The following WWOX variants were observed in gnomAD, a reference collection of about 807,000 sequenced individuals.
WWOX encodes WW domain containing oxidoreductase.
Under a neutral mutation model 46.2 loss-of-function variants are expected in WWOX, and 69 were observed. The observed-to-expected ratio is 1.49, with a 90% CI of 1.23 to 1.82. The LOEUF (loss-of-function observed/expected upper bound fraction) is 1.82. Ranked by LOEUF, WWOX falls within the 40% of genes most tolerant of loss-of-function variation. WWOX has a pLI of 0.00. For synonymous variants in WWOX, 359 were observed against 202.6 expected (o/e 1.77, Z -6.56); for missense variants, 919 against 542.6 (o/e 1.69, Z -6.89).
chr16:79,042,526 C>T lies in WWOX; in HGVS notation c.1057-169082C>T, dbSNP rs1435000801. ...ATAAAAATCATAATGTCTCAAATTA[C>T]TTACTCAATAAAATGTGGGTTTGTC... On this transcript the variant is annotated intron_variant, in intron 8 of 8. Transcript: ENST00000566780. Among the ~76,000 whole-genome samples, 3 of 151,686 alleles carry T rather than the reference C, an allele frequency of 2.0e-5. No homozygotes were observed. The South Asian group carries it at 6.3e-4, about 32-fold the overall frequency.
intron 5 of WWOX, among the ~76,000 whole-genome samples, chr16:78,174,701 A>G (rs1166411381): frequency 2.6e-5 from 4 of 152,184 alleles, no homozygotes; most frequent in South Asian, 2.1e-4. Flanking sequence ...TAATCTGACT[A>G]AGGTGGCCGG....
intron 8 of WWOX, among the ~76,000 whole-genome samples, chr16:79,030,407 A>C (rs889331865): frequency 2.0e-5 from 3 of 152,192 alleles, no homozygotes; most frequent in Admixed American, 1.3e-4. Flanking sequence ...GATACTTTTC[A>C]TGGCCCTTTT....
chr16:78,899,801 G>C (rs929541784), intron 8 of WWOX, among the ~76,000 whole-genome samples: 5 of 152,300 alleles, frequency 3.3e-5, no homozygotes, highest in Admixed American at 6.5e-5. Context: ...TTATATTTGT[G>C]TTGTAGCTTG....
At chr16:78,799,978 C>T (rs1005927774) in intron 8 of WWOX, among the ~76,000 whole-genome samples, 1 of 152,176 alleles carries the variant, frequency 6.6e-6, no homozygotes, top group African/African-American at 2.4e-5. Flanking sequence ...CATTGCAGGT[C>T]TGAGGTTCCG....
At position 78,812,077 on chromosome 16, in the gene WWOX, C is replaced by A. The variant is rs149061822; in HGVS notation, c.1056+379325C>A. Among the ~76,000 whole-genome samples, 7 of 152,174 alleles carry A rather than the reference C, an allele frequency of 4.6e-5. No homozygotes were observed. In the East Asian group the frequency reaches 1.4e-3, roughly 29 times the overall value. ...ACAGTAAGATCTTTCTGAAAAGGAT[C>A]AAGTCTCATTCTCTTTTGAACCCCA... On this transcript the variant is annotated intron_variant, in intron 8 of 8. Transcript: ENST00000566780.
chr16:78,909,262 T>A (rs1329851015), intron 8 of WWOX, among the ~76,000 whole-genome samples: 1 of 152,156 alleles, frequency 6.6e-6, no homozygotes, highest in African/African-American at 2.4e-5. Context: ...TTTTGTACAG[T>A]CAACATTAAG....
At chr16:78,178,863 CAA>C (rs5818110) in intron 5 of WWOX, among the ~76,000 whole-genome samples, 1 of 138,838 alleles carries the variant, frequency 7.2e-6, no homozygotes, top group Non-Finnish European at 1.6e-5. Flanking sequence ...GATTCCGTCT[CAA>C]AAAAAAAAAA....
intron 8 of WWOX, among the ~76,000 whole-genome samples, chr16:78,886,100 T>C (rs1275053867): frequency 6.6e-6 from 1 of 151,882 alleles, no homozygotes; most frequent in Non-Finnish European, 1.5e-5. Flanking sequence ...AATTTTTGTA[T>C]ATTTAGTAGA....
chr16:78,654,304 C>G (rs1265517768), intron 8 of WWOX, among the ~76,000 whole-genome samples: 2 of 152,178 alleles, frequency 1.3e-5, no homozygotes, highest in Non-Finnish European at 2.9e-5. Context: ...ACATAAATCC[C>G]TTTGTAAAAA....
rs532695765 is a variant in WWOX at position 78,793,868 on chromosome 16, G to C, written c.1056+361116G>C. On this transcript the variant is annotated intron_variant, in intron 8 of 8. Coordinates refer to ENST00000566780, the MANE Select transcript of WWOX (RefSeq NM_016373.4). ...AGGCAGGAGAATCATTTGAGGGCAG[G>C]AGTTCAAGACCTCCTCATCTCTACA... Among the ~76,000 whole-genome samples, 12 of 151,826 alleles carry C rather than the reference G, an allele frequency of 7.9e-5. No individual in the cohort carries two copies. In the South Asian group the frequency reaches 2.5e-3, roughly 32 times the overall value.
intron 8 of WWOX, among the ~76,000 whole-genome samples, chr16:78,705,405 A>C (rs1165389736): frequency 6.6e-6 from 1 of 152,208 alleles, no homozygotes; most frequent in Non-Finnish European, 1.5e-5. Flanking sequence ...TATAAAAACA[A>C]GCCAAGGCGA....
chr16:78,537,325 A>G lies in WWOX; in HGVS notation c.1056+104573A>G, dbSNP rs113820550. The stretch of plus-strand genomic sequence containing the variant: ...AATCTTTGAAATAACCCAATGATAC[A>G]TGATATGCATTTTCTAGGTAGATAG... On this transcript the variant is annotated intron_variant, in intron 8 of 8. Coordinates refer to ENST00000566780, the MANE Select transcript of WWOX (RefSeq NM_016373.4). Among the ~76,000 whole-genome samples the G allele has an allele frequency of 4.6e-4, 70 of 152,134 alleles. 1 individual carries two copies. The highest frequency in any genetic ancestry group is 1.6e-3 in the African/African-American group (66 of 41,426).
At chr16:79,074,651 G>C (rs1183587958) in intron 8 of WWOX, among the ~76,000 whole-genome samples, 5 of 151,630 alleles carry the variant, frequency 3.3e-5, no homozygotes, top group Admixed American at 2.0e-4. Context: ...GATTAGATGA[G>C]GTAATGTTTG....
chr16:78,898,868 T>A (rs1343890317), intron 8 of WWOX: 3 of 152,174 alleles, frequency 2.0e-5, no homozygotes, highest in African/African-American at 4.8e-5. Context: ...TTGATTTTTT[T>A]ATGCTATTGT....
intron 8 of WWOX, among the ~76,000 whole-genome samples, chr16:78,603,877 C>G (rs373367071): frequency 6.6e-5 from 10 of 152,170 alleles, no homozygotes; most frequent in African/African-American, 2.2e-4. Context: ...CATAGTGGCT[C>G]ACACCTGTAA....
intron 8 of WWOX, among the ~76,000 whole-genome samples, chr16:78,564,598 C>G (rs1269503194): frequency 6.6e-6 from 1 of 152,144 alleles, no homozygotes; most frequent in Non-Finnish European, 1.5e-5. Context: ...ATCATTTCTC[C>G]TAAGCAATCA....
chr16:78,625,177 G>A (rs543956653), intron 8 of WWOX, among the ~76,000 whole-genome samples: 1 of 152,276 alleles, frequency 6.6e-6, no homozygotes, highest in African/African-American at 2.4e-5. Flanking sequence ...GGGATCCTTT[G>A]ACAACTCAGC....
chr16:79,074,380 A>ATCTCAT (rs1304927497), intron 8 of WWOX, among the ~76,000 whole-genome samples: 1 of 140,920 alleles, frequency 7.1e-6, no homozygotes, highest in African/African-American at 2.6e-5. Flanking sequence ...TCAAAGCCGA[A>ATCTCAT]TCTCATCCTG....
At chr16:78,997,722 C>T (rs936655442) in intron 8 of WWOX, among the ~76,000 whole-genome samples, 19 of 151,984 alleles carry the variant, frequency 1.3e-4, no homozygotes, top group Non-Finnish European at 5.9e-5. Flanking sequence ...GTATTATTCC[C>T]CTAGAAGGAA....
Sources: gnomAD v4.1 joint callset for allele counts (sites outside exome capture counted in the v4.1 genomes callset) on GRCh38, gnomAD v4.1.1 for gene constraint, MANE v1.5 for transcripts, NCBI Gene and HGNC (gene_info 2026-07-23, HGNC 2026-07-21) for gene names.